Variants in ERC2 observed in about 807,000 individuals in gnomAD.
ERC2 encodes the protein ERC protein 2.
Under a neutral mutation model 114.8 loss-of-function variants are expected in ERC2, and 42 were observed. The observed-to-expected ratio is 0.37, with a 90% CI of 0.29 to 0.47. The LOEUF is 0.47. Ranked by LOEUF, ERC2 falls within the 20% of genes least tolerant of loss-of-function variation. The pLI, the probability that ERC2 is intolerant of heterozygous loss-of-function variation, is 0.99. For synonymous variants in ERC2, 454 were observed against 425.5 expected (o/e 1.07, Z -0.82); for missense variants, 939 against 1,150.7 (o/e 0.82, Z 2.66).
At chr3:56,104,383 C>T (rs1237902252) in intron 6 of ERC2, among the ~76,000 whole-genome samples, 5 of 152,202 alleles carry the variant, frequency 3.3e-5, no homozygotes, top group Non-Finnish European at 5.9e-5. Flanking sequence ...ATTAGTTCTG[C>T]CTGAAAGGCC....
chr3:55,870,846 A>C (rs1029899871), intron 14 of ERC2, among the ~76,000 whole-genome samples: 1 of 152,226 alleles, frequency 6.6e-6, no homozygotes, highest in African/African-American at 2.4e-5. Flanking sequence ...TGATGGACGC[A>C]AAGTCTGTTT....
At chr3:55,514,716 C>T (rs758337530) in intron 17 of ERC2, among the ~76,000 whole-genome samples, 21 of 152,180 alleles carry the variant, frequency 1.4e-4, no homozygotes, top group Non-Finnish European at 1.9e-4. Context: ...CTGCCAAAAA[C>T]CCGAAGGAGC....
intron 14 of ERC2, among the ~76,000 whole-genome samples, chr3:55,742,262 C>T (rs1244128202): frequency 6.6e-6 from 1 of 152,116 alleles, no homozygotes; most frequent in Non-Finnish European, 1.5e-5. Context: ...TATCACAGTC[C>T]ATTTAAAAGG....
intron 14 of ERC2, among the ~76,000 whole-genome samples, chr3:55,762,639 G>A (rs184364108): frequency 7.2e-5 from 11 of 152,312 alleles, no homozygotes; most frequent in African/African-American, 2.4e-4. Context: ...AAGGGACCCA[G>A]ACCTTGGCTG....
chr3:55,903,561 T>C (rs180866442), intron 13 of ERC2, among the ~76,000 whole-genome samples: 1 of 152,306 alleles, frequency 6.6e-6, no homozygotes, highest in African/African-American at 2.4e-5. Context: ...AATAAAACCA[T>C]GATACCCAGA....
At chr3:55,804,797 C>T (rs2059429976) in intron 14 of ERC2, among the ~76,000 whole-genome samples, 1 of 152,114 alleles carries the variant, frequency 6.6e-6, no homozygotes, top group Admixed American at 6.5e-5. Context: ...TTCACTGCTT[C>T]AGTCCGAGTT....
chr3:55,879,038 T>TA (rs1046548819), intron 14 of ERC2, among the ~76,000 whole-genome samples: 9 of 151,886 alleles, frequency 5.9e-5, no homozygotes, highest in South Asian at 2.1e-4. Context: ...AGCAGTGTCC[T>TA]AAACCATGCA....
Position 56,192,684 on chromosome 3 carries a change from A to G in ERC2, c.1075-19164T>C, listed in dbSNP as rs114704955. Among the ~76,000 whole-genome samples the G allele has an allele frequency of 3.0e-3, 453 of 152,272 alleles. 2 individuals are homozygous for G. Among genetic ancestry groups the G allele is most frequent in the African/African-American group, 0.01 (421 of 41,552 alleles). ...GACCCAGGCAGGAGTGGGAATCACC[A>G]TAAGATGGACTTGATGCTGTGTCAC... is the stretch of plus-strand genomic sequence containing the variant. On this transcript the variant is annotated intron_variant, in intron 3 of 17. Transcript: ENST00000288221.
intron 16 of ERC2, among the ~76,000 whole-genome samples, chr3:55,686,380 G>A (rs1235303264): frequency 6.6e-6 from 1 of 152,170 alleles, no homozygotes; most frequent in Non-Finnish European, 1.5e-5. Flanking sequence ...TAGAGAAGTG[G>A]TGGCTCTTTC....
chr3:55,808,729 ATATATATATATAT>A (rs1559689356), intron 14 of ERC2, among the ~76,000 whole-genome samples: 46 of 115,378 alleles, frequency 4.0e-4, no homozygotes, highest in African/African-American at 1.6e-3. Context: ...ATATATATAT[ATATATATATATAT>A]AACGTATAAC....
intron 14 of ERC2, among the ~76,000 whole-genome samples, chr3:55,749,522 T>C (rs1202969746): frequency 6.6e-6 from 1 of 152,114 alleles, no homozygotes. Context: ...AACTTTTCTG[T>C]CTCACAAGAG....
At chr3:56,063,245 G>T (rs1003459011) in intron 7 of ERC2, among the ~76,000 whole-genome samples, 3 of 152,226 alleles carry the variant, frequency 2.0e-5, no homozygotes, top group African/African-American at 7.2e-5. Flanking sequence ...ACAAAGGGCA[G>T]CACAAGGGAG....
chr3:56,235,067 G>A (rs1390426736), intron 3 of ERC2, among the ~76,000 whole-genome samples: 1 of 152,092 alleles, frequency 6.6e-6, no homozygotes, highest in African/African-American at 2.4e-5. Flanking sequence ...ATCTCTTTAG[G>A]GTTTATGGTA....
intron 14 of ERC2, among the ~76,000 whole-genome samples, chr3:55,877,271 C>G (rs1256337075): frequency 6.6e-6 from 1 of 152,074 alleles, no homozygotes; most frequent in Admixed American, 6.5e-5. Context: ...CAGACCTTGC[C>G]AAAGGTTCCC....
chr3:55,803,001 T>G (rs915714534), intron 14 of ERC2, among the ~76,000 whole-genome samples: 3 of 152,180 alleles, frequency 2.0e-5, no homozygotes, highest in African/African-American at 7.2e-5. Context: ...AGTTCGCTCA[T>G]GTGGAATGTA....
At chr3:56,351,766 G>T (rs1394030900) in intron 2 of ERC2, among the ~76,000 whole-genome samples, 2 of 152,166 alleles carry the variant, frequency 1.3e-5, no homozygotes, top group Non-Finnish European at 2.9e-5. Flanking sequence ...ATGCATACAT[G>T]CATGCATGCA....
intron 13 of ERC2, among the ~76,000 whole-genome samples, chr3:55,926,410 G>GT (rs751754925): frequency 0.11 from 1,535 of 13,542 alleles, 8 homozygotes; most frequent in Non-Finnish European, 0.16. Context: ...TTTGTTTTTT[G>GT]TTTTTAAAAA....
chr3:55,897,041 A>G (rs2063875142), intron 13 of ERC2, among the ~76,000 whole-genome samples: 1 of 152,254 alleles, frequency 6.6e-6, no homozygotes, highest in Admixed American at 6.5e-5. Context: ...GTGTTTACGC[A>G]TGGCTCTGGA....
chr3:56,165,597 T>A (rs964221646), intron 4 of ERC2, among the ~76,000 whole-genome samples: 1 of 152,064 alleles, frequency 6.6e-6, no homozygotes, highest in African/African-American at 2.4e-5. Flanking sequence ...AAGTTTTTAG[T>A]TATTCTACAT....
Sources: allele counts gnomAD v4.1 joint callset (sites outside exome capture counted in the v4.1 genomes callset), GRCh38; gene constraint gnomAD v4.1.1; transcripts MANE v1.5; gene names NCBI Gene and HGNC (gene_info 2026-07-23, HGNC 2026-07-21).